The following ADAM19 variants were observed in gnomAD, a reference collection of about 807,000 sequenced individuals.
The protein encoded by ADAM19 is ADAM metallopeptidase domain 19, also known as disintegrin and metalloproteinase domain-containing protein 19.
In ADAM19, 65 loss-of-function variants were observed where a neutral mutation model predicts 114.7. The ratio of observed to expected loss-of-function variants is 0.57; its 90% CI spans 0.46 to 0.70. The LOEUF is 0.70. Ranked by LOEUF, ADAM19 falls within the 30% of genes least tolerant of loss-of-function variation. ADAM19 has a pLI of 0.00. For synonymous variants in ADAM19, 466 were observed against 460.5 expected, an observed-to-expected ratio of 1.01 and a Z score of -0.15; for missense variants, 1,063 against 1,204.7, an observed-to-expected ratio of 0.88 and a Z score of 1.74.
At chr5:157,522,308 C>CTTTTA (rs3063047) in intron 5 of ADAM19, among the ~76,000 whole-genome samples, 87,573 of 151,630 alleles carry the variant, frequency 0.58, 26,606 homozygotes, top group African/African-American at 0.76. Context: ...GTTTCATCAA[C>CTTTTA]TTTTAAGTTC....
chr5:157,542,488 T>C (rs1229246869), intron 3 of ADAM19, among the ~76,000 whole-genome samples: 1 of 152,238 alleles, frequency 6.6e-6, no homozygotes, highest in African/African-American at 2.4e-5. Context: ...AAGCAAAAGA[T>C]GACTATGGTT....
At chr5:157,547,551 G>A (rs937813440) in intron 3 of ADAM19, among the ~76,000 whole-genome samples, 4 of 152,154 alleles carry the variant, frequency 2.6e-5, no homozygotes, top group African/African-American at 7.2e-5. Flanking sequence ...CTCATGAGAC[G>A]CTGATACCTT....
At chr5:157,514,531 T>C (rs1362358057) in intron 7 of ADAM19, among the ~76,000 whole-genome samples, 1 of 152,172 alleles carries the variant, frequency 6.6e-6, no homozygotes, top group Non-Finnish European at 1.5e-5. Flanking sequence ...TTCACCATGT[T>C]GGTCAGGCTT....
chr5:157,527,537 T>C (rs567973440), intron 5 of ADAM19, among the ~76,000 whole-genome samples: 1 of 152,252 alleles, frequency 6.6e-6, no homozygotes, highest in Non-Finnish European at 1.5e-5. Flanking sequence ...AACCATCAGA[T>C]CTTGTAAGAA....
Position 157,553,593 on chromosome 5 carries a change from TTTAA to T in ADAM19, c.251+10776_251+10779del, listed in dbSNP as rs376567982. Among the ~76,000 whole-genome samples, 65 of 152,298 alleles carry T rather than the reference TTTAA, an allele frequency of 4.3e-4. 1 individual carries two copies. The South Asian group carries it at 0.012, about 29-fold the overall frequency. Reference sequence around the variant, plus strand: ...ACAACTTGTCAAAATTTAAAAGCGTTTTAATTGTGTACTCCATAGGATCCTGTAA... The same window carrying T: ...ACAACTTGTCAAAATTTAAAAGCGTTTTGTGTACTCCATAGGATCCTGTAA... On this transcript the variant is annotated intron_variant, in intron 3 of 22. Transcript: ENST00000257527.
In ADAM19 at chr5:157,488,385, G is replaced by C; in HGVS notation, c.2430C>G (p.His810Gln). The change falls in exon 21 of 23, where the codon CAC becomes CAG. Residue 810 changes from histidine to glutamine, a missense_variant. Physicochemically the swap from His to Gln is conservative, Grantham distance 24 (BLOSUM62 0). This residue lies in a region of ADAM19 where 424 missense variants were observed against 445.5 expected (regional missense o/e 0.95). Coordinates refer to ENST00000257527, the MANE Select transcript of ADAM19 (RefSeq NM_033274.5). ...GGGAGTTCCTAGCAGCCCTGCTCAG[G>C]TGAGCTGGCAGTGGTGCAGGTGGGG... is the stretch of plus-strand genomic sequence containing the variant. ...GGSPPAPLPA[H>Q]LSRAARNSPG... The C allele has an allele frequency of 6.2e-7, 1 of 1,614,198 alleles. No individual in the cohort carries two copies. The highest frequency in any genetic ancestry group is 1.1e-5 in the South Asian group (1 of 91,080).
chr5:157,559,779 C>T (rs1431304177), intron 3 of ADAM19, among the ~76,000 whole-genome samples: 4 of 152,148 alleles, frequency 2.6e-5, no homozygotes, highest in African/African-American at 7.2e-5. Flanking sequence ...AGTTTCCCTT[C>T]TTGTATTTTC....
chr5:157,504,108 AGAG>A (rs1159320687), intron 11 of ADAM19, among the ~76,000 whole-genome samples: 2 of 152,232 alleles, frequency 1.3e-5, no homozygotes, highest in African/African-American at 4.8e-5. Context: ...AAAATGAAAG[AGAG>A]TAGTAATCAA....
intron 7 of ADAM19, among the ~76,000 whole-genome samples, chr5:157,515,837 C>T (rs554757150): frequency 6.6e-6 from 1 of 152,242 alleles, no homozygotes; most frequent in Admixed American, 6.5e-5. Context: ...ACTCTTTATC[C>T]CCACCTGGAT....
chr5:157,506,432 A>G (rs971900752), intron 10 of ADAM19, among the ~76,000 whole-genome samples: 1 of 152,234 alleles, frequency 6.6e-6, no homozygotes. Flanking sequence ...ACAGCTGAGA[A>G]CACTCATTAA....
intron 3 of ADAM19, among the ~76,000 whole-genome samples, chr5:157,540,653 C>A (rs1756892997): frequency 2.0e-5 from 3 of 152,270 alleles, no homozygotes; most frequent in Admixed American, 2.0e-4. Flanking sequence ...AGTACATGTG[C>A]ATTCTGTGAA....
intron 20 of ADAM19, 65 bp downstream of exon 20, chr5:157,489,037 A>AAAAAAGAG: frequency 3.5e-6 from 5 of 1,413,372 alleles, no homozygotes; most frequent in Non-Finnish European, 5.0e-6. Context: ...CTCAAAAAGA[A>AAAAAAGAG]AAATACAGCA....
At chr5:157,492,590 G>A (rs1447109687) in intron 16 of ADAM19, among the ~76,000 whole-genome samples, 1 of 152,122 alleles carries the variant, frequency 6.6e-6, no homozygotes, top group Admixed American at 6.5e-5. Flanking sequence ...ACAGTACTCT[G>A]TGCCAGGTGC....
chr5:157,575,554 C>G, intron 1 of ADAM19, 49 bp downstream of exon 1: 4 of 1,383,646 alleles, frequency 2.9e-6, no homozygotes, highest in African/African-American at 1.5e-5. Context: ...AGGCTACTCC[C>G]AGGTCTCCGG....
chr5:157,481,323 C>A, intron 22 of ADAM19: 1 of 573,246 alleles, frequency 1.7e-6, no homozygotes, highest in Non-Finnish European at 3.1e-6. Context: ...TCATCCCTTT[C>A]TGACCTGACT....
chr5:157,536,285 G>A (rs576562227), intron 4 of ADAM19, among the ~76,000 whole-genome samples: 1 of 152,320 alleles, frequency 6.6e-6, no homozygotes, highest in South Asian at 2.1e-4. Flanking sequence ...CCTTAGGTCA[G>A]AAGTTCGAGA....
At chr5:157,565,441 G>A (rs866351683) in intron 2 of ADAM19, among the ~76,000 whole-genome samples, 22 of 152,162 alleles carry the variant, frequency 1.4e-4, no homozygotes, top group African/African-American at 1.9e-4. Context: ...AGACTCGGCC[G>A]GGCACAGTGG....
At chr5:157,550,788 G>A (rs1293580699) in intron 3 of ADAM19, among the ~76,000 whole-genome samples, 1 of 151,998 alleles carries the variant, frequency 6.6e-6, no homozygotes, top group Non-Finnish European at 1.5e-5. Flanking sequence ...TCTCAACAAG[G>A]GCAGTGAGAT....
intron 16 of ADAM19, among the ~76,000 whole-genome samples, chr5:157,492,758 C>T (rs1755218387): frequency 6.6e-6 from 1 of 152,136 alleles, no homozygotes; most frequent in Non-Finnish European, 1.5e-5. Context: ...CTAGCTAGGC[C>T]ACCTAAGTGC....
Sources: allele counts gnomAD v4.1 joint callset (sites outside exome capture counted in the v4.1 genomes callset), GRCh38; gene constraint gnomAD v4.1.1; regional missense constraint gnomAD v4.1.1; transcripts MANE v1.5; gene names NCBI Gene and HGNC (gene_info 2026-07-23, HGNC 2026-07-21).